The following HYAL4 variants were observed in gnomAD, a reference collection of about 807,000 sequenced individuals.
HYAL4 encodes hyaluronidase 4, also known as hyaluronidase-4.
In HYAL4, 37 loss-of-function variants were observed where a neutral mutation model predicts 35.2. That is an observed-to-expected ratio of 1.05 (90% CI 0.81 to 1.38). The LOEUF is 1.38. Ranked by LOEUF, HYAL4 falls within the 40% of genes most tolerant of loss-of-function variation. HYAL4 has a pLI of 0.00. For synonymous variants in HYAL4, 198 were observed against 203.2 expected, an observed-to-expected ratio of 0.97 and a Z score of 0.22; for missense variants, 572 against 572.4, an observed-to-expected ratio of 1.00 and a Z score of 0.01.
At chr7:123,857,669 G>GTTTC (rs200221721) in intron 2 of HYAL4, among the ~76,000 whole-genome samples, 5,303 of 124,160 alleles carry the variant, frequency 0.043, 133 homozygotes, top group East Asian at 0.083. Flanking sequence ...TTCTTTGTTT[G>GTTTC]TTTCTTTCTT....
chr7:123,774,126 C>G, the HYAL4 span, among the ~76,000 whole-genome samples: 8 of 152,192 alleles, frequency 5.3e-5, no homozygotes, highest in African/African-American at 1.9e-4. Context: ...AGGTTCAACT[C>G]CTGGGTTCAA....
chr7:123,861,169 G>T (rs1207717190), intron 2 of HYAL4, among the ~76,000 whole-genome samples: 1 of 152,060 alleles, frequency 6.6e-6, no homozygotes, highest in Non-Finnish European at 1.5e-5. Context: ...TGAGGTTGGG[G>T]ACTCAGCTCC....
At chr7:123,815,314 C>T in the HYAL4 span, among the ~76,000 whole-genome samples, 170 of 152,240 alleles carry the variant, frequency 1.1e-3, no homozygotes, top group Non-Finnish European at 1.9e-3. Context: ...AATAATGTAA[C>T]AGACAGATTA....
At chr7:123,847,847 G>C (rs537255511) in intron 1 of HYAL4, among the ~76,000 whole-genome samples, 2 of 152,174 alleles carry the variant, frequency 1.3e-5, no homozygotes, top group East Asian at 3.9e-4. Flanking sequence ...CTTTATTCTG[G>C]AAGTCTTACA....
At chr7:123,813,832 G>A in the HYAL4 span, among the ~76,000 whole-genome samples, 2 of 152,148 alleles carry the variant, frequency 1.3e-5, no homozygotes, top group African/African-American at 4.8e-5. Flanking sequence ...GCCAGTGAAG[G>A]CTTGTCAGTA....
At chr7:123,792,900 C>G in the HYAL4 span, among the ~76,000 whole-genome samples, 1 of 152,198 alleles carries the variant, frequency 6.6e-6, no homozygotes. Flanking sequence ...CTCTGACATT[C>G]AGGCAGGCTA....
rs756149293 is a variant in HYAL4 at position 123,868,932 on chromosome 7, A to G, written c.659A>G (p.Tyr220Cys). ...AAAGGCCTTTGGGGTTATTATTTAT[A>G]TCCTGATTGCCACAATTATAACGTT... ...RPKGLWGYYL[Y>C]PDCHNYNVYA... Residue 220 changes from tyrosine (Y) to cysteine (C), a missense_variant, in exon 3 of 5, where the codon TAT becomes TGT. Coordinates refer to ENST00000223026, the MANE Select transcript of HYAL4 (RefSeq NM_012269.3). The G allele has an allele frequency of 2.5e-6, 4 of 1,613,976 alleles. No homozygotes were observed. The highest frequency in any genetic ancestry group is 3.4e-6 in the Non-Finnish European group (4 of 1,180,024).
the HYAL4 span, among the ~76,000 whole-genome samples, chr7:123,776,408 GGT>G: frequency 1.1e-4 from 16 of 152,154 alleles, no homozygotes; most frequent in African/African-American, 3.9e-4. Context: ...GAAAGCTGCA[GGT>G]GTGTGGGTTT....
the HYAL4 span, among the ~76,000 whole-genome samples, chr7:123,820,671 A>G: frequency 3.9e-5 from 6 of 152,212 alleles, no homozygotes; most frequent in Admixed American, 2.0e-4. Context: ...AGTGCTTAAT[A>G]TATTGTTAAC....
intron 1 of HYAL4, among the ~76,000 whole-genome samples, chr7:123,832,468 A>G (rs1411709171): frequency 8.3e-5 from 5 of 60,088 alleles, no homozygotes; most frequent in Non-Finnish European, 1.2e-4. Flanking sequence ...CCCAAAGTCT[A>G]TTGTGTCATA....
At chr7:123,823,949 A>G in the HYAL4 span, among the ~76,000 whole-genome samples, 25 of 152,066 alleles carry the variant, frequency 1.6e-4, no homozygotes. Context: ...CCTCACTTCC[A>G]GGCATTAACA....
At chr7:123,858,657 A>G (rs2116941495) in intron 2 of HYAL4, among the ~76,000 whole-genome samples, 1 of 152,342 alleles carries the variant, frequency 6.6e-6, no homozygotes, top group South Asian at 2.1e-4. Context: ...ACTTTAGTTG[A>G]TAAGAACAGA....
intron 2 of HYAL4, among the ~76,000 whole-genome samples, chr7:123,853,657 A>G (rs1806364074): frequency 1.3e-5 from 2 of 152,106 alleles, no homozygotes; most frequent in Non-Finnish European, 2.9e-5. Context: ...TTTTGCATCT[A>G]TGTTCATCAG....
rs375111354 is a variant in HYAL4 at position 123,855,335 on chromosome 7, G to A, written c.-52+7177G>A. ...CATTTTGGTATGTTTTTGCAGTGGC[G>A]GGTACCATTTTTCCTTTCCATACGT... On this transcript the variant is annotated intron_variant, in intron 2 of 4. Transcript: ENST00000223026. Among the ~76,000 whole-genome samples, 9 of 152,160 alleles carry A rather than the reference G, an allele frequency of 5.9e-5. No homozygotes were observed. In the South Asian group the frequency reaches 1.2e-3, roughly 21 times the overall value.
chr7:123,853,883 T>C (rs1806370002), intron 2 of HYAL4, among the ~76,000 whole-genome samples: 3 of 152,212 alleles, frequency 2.0e-5, no homozygotes, highest in African/African-American at 4.8e-5. Context: ...GGTAGGCTAG[T>C]AATTTCTGCC....
At chr7:123,803,927 T>C in the HYAL4 span, among the ~76,000 whole-genome samples, 574 of 152,338 alleles carry the variant, frequency 3.8e-3, 2 homozygotes, top group African/African-American at 0.013. Context: ...TCCAGATCTT[T>C]TAAACCACAT....
chr7:123,861,613 G>T (rs1316022053), intron 2 of HYAL4, among the ~76,000 whole-genome samples: 2 of 152,066 alleles, frequency 1.3e-5, no homozygotes, highest in Non-Finnish European at 2.9e-5. Context: ...TGCAAAATTT[G>T]CTTGCTTCAT....
chr7:123,793,036 G>A, the HYAL4 span, among the ~76,000 whole-genome samples: 7 of 152,186 alleles, frequency 4.6e-5, no homozygotes, highest in Non-Finnish European at 7.3e-5. Flanking sequence ...GGTGGACCAG[G>A]ATTGAGCTCT....
At position 123,857,669 on chromosome 7, in the gene HYAL4, GTTTCTTTCTTTCTTTCTTTC is replaced by G. The variant is rs200221721; in HGVS notation, c.-52+9556_-52+9575del. Among the ~76,000 whole-genome samples, 1,068 of 124,738 alleles carry G rather than the reference GTTTCTTTCTTTCTTTCTTTC, an allele frequency of 8.6e-3. 19 individuals carry two copies. Among genetic ancestry groups the G allele is most frequent in the South Asian group, 0.035 (141 of 4,038 alleles). The allele number at this position is 124,738 out of a possible 152,430, so 81.8% of individuals were successfully genotyped here. On this transcript the variant is annotated intron_variant, in intron 2 of 4. Coordinates refer to ENST00000223026, the MANE Select transcript of HYAL4 (RefSeq NM_012269.3). ...CCTTTCTTTGTTTCTTTCTTTGTTT[GTTTCTTTCTTTCTTTCTTTC>G]TTTCTTTCTTTCTTTCTTTCTTTCT...
Sources: allele counts gnomAD v4.1 joint callset (sites outside exome capture counted in the v4.1 genomes callset), GRCh38; gene constraint gnomAD v4.1.1; transcripts MANE v1.5; gene names NCBI Gene and HGNC (gene_info 2026-07-23, HGNC 2026-07-21).